The following TESK2 variants were observed in gnomAD, a reference collection of about 807,000 sequenced individuals.
TESK2 encodes dual specificity testis-specific protein kinase 2.
TESK2 carries 39 observed loss-of-function variants against 57.1 expected under a neutral mutation model. That is an observed-to-expected ratio of 0.68 (90% CI 0.53 to 0.89). The LOEUF (loss-of-function observed/expected upper bound fraction) is 0.89. Ranked by LOEUF, TESK2 falls within the 40% of genes least tolerant of loss-of-function variation. TESK2 has a pLI of 0.00. For missense variants in TESK2, 646 were observed against 732.1 expected (o/e 0.88, Z 1.36); for synonymous variants, 249 against 267.9 (o/e 0.93, Z 0.69).
rs1048214203 is a variant in TESK2 at position 45,465,232 on chromosome 1, T to C, written c.-86-7361A>G. Among the ~76,000 whole-genome samples the C allele has an allele frequency of 7.3e-5, 11 of 149,906 alleles. No individual in the cohort carries two copies. The South Asian group carries it at 1.5e-3, about 20-fold the overall frequency. On this transcript the variant is annotated intron_variant, in intron 1 of 10. Transcript: ENST00000372086. ...GCCTGGGAGATAGAGCAAGACTCCA[T>C]CTCAAAAAAAAAAGAAAAAGAAAAG...
At chr1:45,406,709 T>C (rs1649864479) in intron 3 of TESK2, among the ~76,000 whole-genome samples, 1 of 152,118 alleles carries the variant, frequency 6.6e-6, no homozygotes, top group South Asian at 2.1e-4. Context: ...TCACCTTTAC[T>C]ACCACCATGT....
intron 2 of TESK2, among the ~76,000 whole-genome samples, chr1:45,452,707 G>C (rs1651917755): frequency 6.6e-6 from 1 of 151,430 alleles, no homozygotes; most frequent in African/African-American, 2.4e-5. Flanking sequence ...CCAGGCCCAG[G>C]AGTTCAAGAC....
rs934901291 is a variant in TESK2, at chr1:45,408,943, A to T, written c.344+12782T>A. ...GGGTGATATTTAACTGATTAGTTAC[A>T]AGAAATGGGGATGTTGACTTTCAGG... On this transcript the variant is annotated intron_variant, in intron 3 of 10. Coordinates refer to ENST00000372086, the MANE Select transcript of TESK2 (RefSeq NM_007170.3). Among the ~76,000 whole-genome samples, 15 of 152,330 alleles carry T rather than the reference A, an allele frequency of 9.8e-5. No homozygotes were observed. The East Asian group carries it at 2.9e-3, about 29-fold the overall frequency.
At chr1:45,450,110 T>C (rs373737073) in intron 2 of TESK2, among the ~76,000 whole-genome samples, 24 of 152,300 alleles carry the variant, frequency 1.6e-4, no homozygotes, top group East Asian at 1.3e-3. Context: ...GCAAATAGAA[T>C]TGGATCAATG....
At chr1:45,438,271 G>A (rs955828901) in intron 2 of TESK2, among the ~76,000 whole-genome samples, 1 of 152,170 alleles carries the variant, frequency 6.6e-6, no homozygotes, top group African/African-American at 2.4e-5. Flanking sequence ...TGAGGCAGGT[G>A]GATCACCTGA....
At chr1:45,453,116 G>A (rs1490716977) in intron 2 of TESK2, among the ~76,000 whole-genome samples, 1 of 151,960 alleles carries the variant, frequency 6.6e-6, no homozygotes, top group Non-Finnish European at 1.5e-5. Flanking sequence ...GGAGGCAGAG[G>A]CAGGCTGATC....
intron 4 of TESK2, among the ~76,000 whole-genome samples, chr1:45,357,217 A>G (rs1035206569): frequency 8.0e-5 from 12 of 150,756 alleles, no homozygotes; most frequent in Non-Finnish European, 1.8e-4. Context: ...AAATAAATAA[A>G]TAAATAAATA....
At position 45,356,596 on chromosome 1, in the gene TESK2, T is replaced by C. The variant is rs139486964; in HGVS notation, c.394-1147A>G. On this transcript the variant is annotated intron_variant, in intron 4 of 10. Coordinates refer to ENST00000372086, the MANE Select transcript of TESK2 (RefSeq NM_007170.3). The stretch of plus-strand genomic sequence containing the variant: ...TGCCAATGCACTCCAGCCTGGGTGA[T>C]AGACAGAGCGAGACCCTGTCTTAAA... Among the ~76,000 whole-genome samples, 224 of 135,834 alleles carry C rather than the reference T, an allele frequency of 1.6e-3. 2 individuals are homozygous for C. The highest frequency in any genetic ancestry group is 5.8e-3 in the African/African-American group (208 of 35,718). 89.1% of individuals were successfully genotyped at this position (135,834 alleles called of 152,430 possible).
At chr1:45,466,646 T>C (rs564611338) in intron 1 of TESK2, among the ~76,000 whole-genome samples, 1 of 149,512 alleles carries the variant, frequency 6.7e-6, no homozygotes, top group East Asian at 1.9e-4. Context: ...CAAGACTCTA[T>C]CTCAAATAAT....
chr1:45,448,925 G>C (rs1651756954), intron 2 of TESK2, among the ~76,000 whole-genome samples: 1 of 152,106 alleles, frequency 6.6e-6, no homozygotes, highest in South Asian at 2.1e-4. Context: ...ATTCATTCCT[G>C]GTTGAAATGC....
At chr1:45,347,870 C>T in intron 6 of TESK2, 48 bp downstream of exon 6, 1 of 1,531,058 alleles carries the variant, frequency 6.5e-7, no homozygotes, top group Non-Finnish European at 9.1e-7. Flanking sequence ...TTTCCCTTAG[C>T]TTCAGCCCCC....
intron 1 of TESK2, among the ~76,000 whole-genome samples, chr1:45,477,956 A>G (rs1653067808): frequency 6.6e-6 from 1 of 151,986 alleles, no homozygotes; most frequent in Admixed American, 6.6e-5. Flanking sequence ...TTGGCACTCA[A>G]TTAATGTCTT....
intron 4 of TESK2, among the ~76,000 whole-genome samples, chr1:45,368,812 C>G (rs1158895378): frequency 6.6e-6 from 1 of 151,384 alleles, no homozygotes; most frequent in East Asian, 2.0e-4. Flanking sequence ...GCAATGGCGC[C>G]ATCTTGGCTC....
At chr1:45,396,922 G>A (rs1570687606) in intron 3 of TESK2, among the ~76,000 whole-genome samples, 1 of 146,740 alleles carries the variant, frequency 6.8e-6, no homozygotes, top group Non-Finnish European at 1.5e-5. Context: ...AGGTTCAGGG[G>A]ATTCTCCTGC....
chr1:45,376,365 G>A (rs1201429178), intron 4 of TESK2, among the ~76,000 whole-genome samples: 1 of 149,574 alleles, frequency 6.7e-6, no homozygotes, highest in Non-Finnish European at 1.5e-5. Flanking sequence ...ACAGGCCCCC[G>A]CCACCACGTC....
intron 2 of TESK2, 56 bp from the exon 3 acceptor site, chr1:45,421,902 G>A (rs566748977): frequency 1.4e-5 from 22 of 1,579,846 alleles, no homozygotes; most frequent in Non-Finnish European, 1.7e-5. Context: ...TATATGTGAG[G>A]TCAACATCTC....
At chr1:45,423,900 T>C (rs141589255) in intron 2 of TESK2, among the ~76,000 whole-genome samples, 113 of 152,328 alleles carry the variant, frequency 7.4e-4, no homozygotes, top group Middle Eastern at 6.8e-3. Context: ...TGTGGTCTCA[T>C]TGGTAGCAAA....
At chr1:45,367,814 C>A (rs1467063253) in intron 4 of TESK2, among the ~76,000 whole-genome samples, 1 of 150,040 alleles carries the variant, frequency 6.7e-6, no homozygotes, top group African/African-American at 2.5e-5. Flanking sequence ...CCTCCCACCA[C>A]GCCCAGCTAA....
intron 2 of TESK2, among the ~76,000 whole-genome samples, chr1:45,456,434 G>T (rs1458882033): frequency 1.3e-5 from 2 of 151,850 alleles, no homozygotes; most frequent in African/African-American, 4.8e-5. Context: ...CAGGAGAATT[G>T]CTTGAACCCG....
Sources: gnomAD v4.1 joint callset for allele counts (sites outside exome capture counted in the v4.1 genomes callset) on GRCh38, gnomAD v4.1.1 for gene constraint, MANE v1.5 for transcripts, NCBI Gene and HGNC (gene_info 2026-07-23, HGNC 2026-07-21) for gene names.